Variants in POMK observed in about 807,000 individuals in gnomAD.
The protein encoded by POMK is Sugen kinase 196.
POMK carries 19 observed loss-of-function variants against 23.0 expected under a neutral mutation model. The observed-to-expected ratio is 0.83, with a 90% CI of 0.58 to 1.21. The LOEUF (loss-of-function observed/expected upper bound fraction) is 1.21. Ranked by LOEUF, POMK falls within the 50% of genes most tolerant of loss-of-function variation. POMK has a pLI of 0.00. For synonymous variants in POMK, 173 were observed against 171.6 expected, an observed-to-expected ratio of 1.01 and a Z score of -0.06; for missense variants, 410 against 431.3, an observed-to-expected ratio of 0.95 and a Z score of 0.44.
chr8:43,105,184 G>A (rs1811521362), intron 4 of POMK, among the ~76,000 whole-genome samples: 1 of 152,100 alleles, frequency 6.6e-6, no homozygotes, highest in Non-Finnish European at 1.5e-5. Context: ...TCTTTTGGTT[G>A]GGAACATTCA....
intron 4 of POMK, among the ~76,000 whole-genome samples, chr8:43,114,166 C>A (rs1020267937): frequency 1.3e-5 from 2 of 152,234 alleles, no homozygotes; most frequent in Non-Finnish European, 2.9e-5. Flanking sequence ...TTTAAGTCTG[C>A]AGAGGTTACT....
intron 4 of POMK, among the ~76,000 whole-genome samples, chr8:43,114,189 T>C (rs1811744200): frequency 1.3e-5 from 2 of 152,242 alleles, no homozygotes; most frequent in South Asian, 2.1e-4. Context: ...TGTCTTTTCG[T>C]TTCTCTGTGC....
intron 4 of POMK, among the ~76,000 whole-genome samples, chr8:43,114,663 T>C (rs1219453089): frequency 6.6e-6 from 1 of 152,246 alleles, no homozygotes; most frequent in African/African-American, 2.4e-5. Context: ...GTGAACCTGG[T>C]ACCTCAGATG....
chr8:43,122,052 G>A, intron 4 of POMK, 55 bp from the exon 5 acceptor site: 1 of 1,521,030 alleles, frequency 6.6e-7, no homozygotes, highest in East Asian at 2.3e-5. Context: ...GTTGTTCTTT[G>A]GTCACTAAAT....
chr8:43,118,677 A>G (rs1433291276), intron 4 of POMK, among the ~76,000 whole-genome samples: 1 of 152,240 alleles, frequency 6.6e-6, no homozygotes, highest in Non-Finnish European at 1.5e-5. Flanking sequence ...TTTGTGTGTG[A>G]TCTCAAAGAC....
intron 4 of POMK, among the ~76,000 whole-genome samples, chr8:43,111,228 C>T (rs1313318820): frequency 6.6e-6 from 1 of 152,188 alleles, no homozygotes; most frequent in South Asian, 2.1e-4. Context: ...CACCCTAATA[C>T]TGCACTTTTC....
At chr8:43,119,625 G>A (rs1811870976) in intron 4 of POMK, among the ~76,000 whole-genome samples, 1 of 151,800 alleles carries the variant, frequency 6.6e-6, no homozygotes, top group African/African-American at 2.4e-5. Flanking sequence ...AGTAGAGATG[G>A]GGTTTCACCA....
chr8:43,112,431 C>T (rs948979868), intron 4 of POMK, among the ~76,000 whole-genome samples: 15 of 152,180 alleles, frequency 9.9e-5, no homozygotes, highest in African/African-American at 3.6e-4. Context: ...ACCAAATCTA[C>T]GTCTGATTGG....
Position 43,103,682 on chromosome 8 carries a change from C to T in POMK, c.134C>T (p.Pro45Leu). Reference sequence around the variant, plus strand: ...TGCCTCGACCACTTCTTCATCGCTCCTCGACAATCCACTGTGGACCCCACA... The same window carrying T: ...TGCCTCGACCACTTCTTCATCGCTCTTCGACAATCCACTGTGGACCCCACA... ...YLCLDHFFIA[P>L]RQSTVDPTHC... Residue 45 changes from proline to leucine, a missense_variant, in exon 4 of 5, where the codon CCT (proline) becomes CTT (leucine). By Grantham distance (98) the Pro-to-Leu change is moderately conservative. Coordinates refer to ENST00000331373, the MANE Select transcript of POMK (RefSeq NM_032237.5). The T allele has an allele frequency of 1.9e-6, 3 of 1,614,110 alleles. No individual in the cohort carries two copies. Among genetic ancestry groups the T allele is most frequent in the Non-Finnish European group, 2.5e-6 (3 of 1,180,036 alleles).
At chr8:43,111,102 C>T (rs1033033655) in intron 4 of POMK, among the ~76,000 whole-genome samples, 10 of 152,132 alleles carry the variant, frequency 6.6e-5, no homozygotes, top group Non-Finnish European at 1.5e-4. Flanking sequence ...GCACACCATG[C>T]GTGAGCCGAA....
intron 4 of POMK, among the ~76,000 whole-genome samples, chr8:43,120,828 C>T (rs964634542): frequency 6.6e-6 from 1 of 152,216 alleles, no homozygotes; most frequent in East Asian, 1.9e-4. Flanking sequence ...CAGGCATGCA[C>T]CACCACGCCT....
intron 4 of POMK, among the ~76,000 whole-genome samples, chr8:43,116,527 C>G (rs1811802326): frequency 6.6e-6 from 1 of 152,150 alleles, no homozygotes; most frequent in Non-Finnish European, 1.5e-5. Flanking sequence ...CTTGGCCTCC[C>G]AAAGTGCTAG....
At position 43,122,538 on chromosome 8, in the gene POMK, C is replaced by T. The variant is rs148949414; in HGVS notation, c.714C>T (p.Ser238=). 6.0e-4 allele frequency: 971 copies of T among 1,614,136 alleles called. 3 individuals carry two copies. The African/African-American group carries it at 8.5e-3, about 14-fold the overall frequency. Reference sequence around the variant, plus strand: ...CCTTACCCCTGGTGAACCACAGCTCCGGGATGCTGGTGAAGTGCGGCCACA... The same window carrying T: ...CCTTACCCCTGGTGAACCACAGCTCTGGGATGCTGGTGAAGTGCGGCCACA... ...LDALPLVNHS[S]GMLVKCGHRE... Residue 238 remains serine (S), a synonymous_variant, in exon 5 of 5, where the codon TCC becomes TCT. Coordinates refer to ENST00000331373, the MANE Select transcript of POMK (RefSeq NM_032237.5).
intron 4 of POMK, among the ~76,000 whole-genome samples, chr8:43,104,127 C>CT (rs1811502393): frequency 6.6e-6 from 1 of 151,742 alleles, no homozygotes; most frequent in African/African-American, 2.4e-5. Flanking sequence ...ACATCTGGCA[C>CT]TTTATCTTTT....
intron 4 of POMK, among the ~76,000 whole-genome samples, chr8:43,107,838 G>A (rs928817256): frequency 6.6e-6 from 1 of 152,128 alleles, no homozygotes; most frequent in Admixed American, 6.6e-5. Context: ...ACGTCGCCAT[G>A]CCTGGCTGAT....
intron 4 of POMK, among the ~76,000 whole-genome samples, chr8:43,114,103 C>T (rs1263613519): frequency 1.3e-5 from 2 of 152,254 alleles, no homozygotes; most frequent in East Asian, 1.9e-4. Context: ...GTCAGATCTC[C>T]AGCTGCGTGC....
At chr8:43,095,121 T>G (rs1358765078) in intron 1 of POMK, among the ~76,000 whole-genome samples, 5 of 152,240 alleles carry the variant, frequency 3.3e-5, no homozygotes, top group Non-Finnish European at 2.9e-5. Context: ...CTGACCACGC[T>G]GGGTTTGATT....
At chr8:43,120,727 G>A (rs1385678942) in intron 4 of POMK, among the ~76,000 whole-genome samples, 1 of 151,152 alleles carries the variant, frequency 6.6e-6, no homozygotes, top group African/African-American at 2.4e-5. Flanking sequence ...GCCCAGGCTG[G>A]AGCACAGTGG....
Position 43,099,854 on chromosome 8 carries a change from T to C in POMK, c.-118+2239T>C, listed in dbSNP as rs550829929. 9.9e-5 allele frequency among the ~76,000 whole-genome samples: 15 copies of C among 152,250 alleles called. No homozygotes were observed. In the South Asian group the frequency reaches 2.9e-3, roughly 29 times the overall value. ...GATTGCTTCTGTTTTTCTAGTAAAA[T>C]AGGATGATCTCGTTAGATGATCAGC... On this transcript the variant is annotated intron_variant, in intron 2 of 4. Coordinates refer to ENST00000331373, the MANE Select transcript of POMK (RefSeq NM_032237.5).
Sources: allele counts gnomAD v4.1 joint callset (sites outside exome capture counted in the v4.1 genomes callset), GRCh38; gene constraint gnomAD v4.1.1; transcripts MANE v1.5; gene names NCBI Gene and HGNC (gene_info 2026-07-23, HGNC 2026-07-21).